Variants in MFSD11 observed in about 807,000 individuals in gnomAD.
The protein encoded by MFSD11 is UNC93-like protein MFSD11.
MFSD11 carries 36 observed loss-of-function variants against 53.5 expected under a neutral mutation model. That is an observed-to-expected ratio of 0.67 (90% CI 0.52 to 0.89). The LOEUF is 0.89. Among genes scored for constraint, MFSD11 ranks in the 40% least tolerant of loss-of-function variants. The pLI is 0.00. For synonymous variants in MFSD11, 186 were observed against 184.9 expected, an observed-to-expected ratio of 1.01 and a Z score of -0.05; for missense variants, 530 against 543.9, an observed-to-expected ratio of 0.97 and a Z score of 0.25.
At chr17:76,762,654 T>A (rs1598672277) in intron 8 of MFSD11, among the ~76,000 whole-genome samples, 1 of 26,666 alleles carries the variant, frequency 3.8e-5, no homozygotes, top group East Asian at 1.3e-3. Flanking sequence ...AGACTCCGTC[T>A]CCAAAAAAAA....
intron 2 of MFSD11, among the ~76,000 whole-genome samples, chr17:76,739,692 G>C (rs967381916): frequency 6.6e-6 from 1 of 152,080 alleles, no homozygotes; most frequent in Admixed American, 6.6e-5. Context: ...AATTTCTCTA[G>C]AGTTAGAGAT....
At chr17:76,800,206 C>T in the MFSD11 span, among the ~76,000 whole-genome samples, 800 of 152,168 alleles carry the variant, frequency 5.3e-3, 4 homozygotes, top group Middle Eastern at 0.014. Flanking sequence ...CCACCTGCCT[C>T]GGCCTCCCAA....
intron 9 of MFSD11, among the ~76,000 whole-genome samples, chr17:76,768,942 C>T (rs545423837): frequency 3.3e-5 from 5 of 149,852 alleles, no homozygotes; most frequent in Admixed American, 6.7e-5. Context: ...GTTGAGATAG[C>T]GCCACTGCAC....
At chr17:76,774,111 A>G (rs1008212789) in intron 10 of MFSD11, among the ~76,000 whole-genome samples, 2 of 151,896 alleles carry the variant, frequency 1.3e-5, no homozygotes, top group Non-Finnish European at 2.9e-5. Context: ...TTTTTACTAG[A>G]GACAGGGTTT....
chr17:76,739,036 G>A, intron 2 of MFSD11, 43 bp downstream of exon 2: 2 of 1,483,346 alleles, frequency 1.3e-6, no homozygotes, highest in South Asian at 2.3e-5. Context: ...TTTGACAGTA[G>A]TTGCTTAAAT....
chr17:76,773,096 C>T (rs2081512861), intron 10 of MFSD11: 1 of 152,316 alleles, frequency 6.6e-6, no homozygotes, highest in Admixed American at 6.5e-5. Context: ...CTAATTTGCT[C>T]ACTTTATGTA....
rs1223177719 is a variant in MFSD11, at chr17:76,759,865, C to T, written c.682+5778C>T. Among the ~76,000 whole-genome samples, 5 of 145,338 alleles carry T rather than the reference C, an allele frequency of 3.4e-5. No individual in the cohort carries two copies. The South Asian group carries it at 1.1e-3, about 32-fold the overall frequency. On this transcript the variant is annotated intron_variant, in intron 8 of 12. Transcript: ENST00000685175. ...CCTGACCTCAAGTGATCCACCCACC[C>T]GGCCTCCCAAAGTGCTGGGATTACA... is the stretch of plus-strand genomic sequence containing the variant.
intron 7 of MFSD11, chr17:76,748,126 C>T (rs1297967119): frequency 6.9e-6 from 1 of 144,374 alleles, no homozygotes; most frequent in African/African-American, 2.9e-5. Context: ...TGGGGTGGCT[C>T]CCTGAGACGT....
At chr17:76,759,281 TTC>T (rs1215113385) in intron 8 of MFSD11, among the ~76,000 whole-genome samples, 4 of 151,416 alleles carry the variant, frequency 2.6e-5, no homozygotes, top group Admixed American at 6.6e-5. Flanking sequence ...TAAAATATAT[TTC>T]TTTTTCTTTT....
chr17:76,749,434 T>C (rs1448532005), intron 7 of MFSD11, among the ~76,000 whole-genome samples: 1 of 150,456 alleles, frequency 6.6e-6, no homozygotes, highest in Admixed American at 6.6e-5. Flanking sequence ...GAGACTGAGG[T>C]GGGAGAATCG....
intron 10 of MFSD11, among the ~76,000 whole-genome samples, chr17:76,771,217 C>T (rs546930719): frequency 1.3e-4 from 20 of 152,320 alleles, no homozygotes; most frequent in Admixed American, 3.3e-4. Context: ...CCAAGGGTTG[C>T]CCCCTTAGCG....
chr17:76,779,524 G>A (rs1449286328), downstream of MFSD11, among the ~76,000 whole-genome samples: 1 of 151,718 alleles, frequency 6.6e-6, no homozygotes, highest in Non-Finnish European at 1.5e-5. Context: ...TCACTCTGTC[G>A]CCTAGGCTAG....
intron 7 of MFSD11, chr17:76,748,061 A>G (rs1398428779): frequency 3.2e-5 from 4 of 124,462 alleles, no homozygotes; most frequent in Admixed American, 1.0e-4. Flanking sequence ...AAAATAGCAA[A>G]GTGAGTGTTA....
downstream of MFSD11, among the ~76,000 whole-genome samples, chr17:76,785,073 A>C (rs2145011366): frequency 6.6e-6 from 1 of 152,352 alleles, no homozygotes; most frequent in East Asian, 1.9e-4. Context: ...GGGAAAATAA[A>C]TCTTCATCAG....
chr17:76,755,661 G>A (rs2079483315), intron 8 of MFSD11, among the ~76,000 whole-genome samples: 1 of 148,766 alleles, frequency 6.7e-6, no homozygotes, highest in Non-Finnish European at 1.5e-5. Flanking sequence ...CCTTCTATAC[G>A]TAGTATATTG....
In MFSD11 at chr17:76,741,063, A is replaced by G; in HGVS notation, c.259A>G (p.Ser87Gly). The change falls in exon 3 of 13, where the codon AGC becomes GGC. Residue 87 changes from serine (S) to glycine (G), a missense_variant and splice_region_variant. Ser to Gly is a moderately conservative substitution (Grantham distance 56). Coordinates refer to ENST00000685175, the MANE Select transcript of MFSD11 (RefSeq NM_001242532.5). ...LSMFASGLFY[S>G]MYIAVFIQPF... ...TATGTTTGCCAGTGGTTTATTTTAC[A>G]GGTAAGTAGTGTAATCTTGCACTTA... 6.4e-7 allele frequency: 1 copy of G among 1,553,734 alleles called. No individual in the cohort carries two copies. Among genetic ancestry groups the G allele is most frequent in the Non-Finnish European group, 8.9e-7 (1 of 1,125,576 alleles).
In MFSD11 at chr17:76,759,756, C is replaced by CTTTTTTTTTTTTTTTTT. The variant is rs1159131964; in HGVS notation, c.682+5683_682+5699dup. On this transcript the variant is annotated intron_variant, in intron 8 of 12. Coordinates refer to ENST00000685175, the MANE Select transcript of MFSD11 (RefSeq NM_001242532.5). ...ACAGGTGTGAGCCACCGTGACCGGC[C>CTTTTTTTTTTTTTTTTT]TTTTTTTTTTTTTTTTTTTTTTTTT... Among the ~76,000 whole-genome samples, 16 of 27,018 alleles carry CTTTTTTTTTTTTTTTTT rather than the reference C, an allele frequency of 5.9e-4. 1 individual carries two copies. Among genetic ancestry groups the CTTTTTTTTTTTTTTTTT allele is most frequent in the Non-Finnish European group, 8.4e-4 (13 of 15,424 alleles). 17.7% of individuals were successfully genotyped at this position (27,018 alleles called of 152,430 possible).
At chr17:76,783,683 C>T (rs145272911), downstream of MFSD11, among the ~76,000 whole-genome samples, 1,795 of 152,222 alleles carry the variant, frequency 0.012, 37 homozygotes, top group African/African-American at 0.04. Flanking sequence ...CTCAGCCTCC[C>T]GAGTAGCTGG....
rs771524924 is a variant in MFSD11, at chr17:76,738,300, C to T, written c.-53C>T. The T allele has an allele frequency of 6.9e-5, 85 of 1,225,194 alleles. No individual in the cohort carries two copies. In the African/African-American group the frequency reaches 1.1e-3, roughly 16 times the overall value. The allele number at this position is 1,225,194 out of a possible 1,614,324, so 75.9% of individuals were successfully genotyped here. A position where few individuals can be genotyped will look rare whatever the true frequency, so the allele number is the denominator to read the frequency against. Reference sequence around the variant, plus strand: ...TCTCCAGGATTGTCAGTGGCTTCGCCCCGAGGAGAGCTGACTGCCCTGGGC... The same window carrying T: ...TCTCCAGGATTGTCAGTGGCTTCGCTCCGAGGAGAGCTGACTGCCCTGGGC... On this transcript the variant is annotated 5_prime_UTR_variant, in exon 1 of 13. Coordinates refer to ENST00000685175, the MANE Select transcript of MFSD11 (RefSeq NM_001242532.5).
Sources: gnomAD v4.1 joint callset for allele counts (sites outside exome capture counted in the v4.1 genomes callset) on GRCh38, gnomAD v4.1.1 for gene constraint, MANE v1.5 for transcripts, NCBI Gene and HGNC (gene_info 2026-07-23, HGNC 2026-07-21) for gene names.